The following MACROH2A2 variants were observed in gnomAD, a reference collection of about 807,000 sequenced individuals.
MACROH2A2 encodes core histone macro-H2A.2.
In MACROH2A2, 6 loss-of-function variants were observed where a neutral mutation model predicts 37.6. That is an observed-to-expected ratio of 0.16 (90% CI 0.09 to 0.32). MACROH2A2 has a LOEUF of 0.32. Among genes scored for constraint, MACROH2A2 ranks in the 10% least tolerant of loss-of-function variants. The pLI, the probability that MACROH2A2 is intolerant of heterozygous loss-of-function variation, is 1.00. For missense variants in MACROH2A2, 290 were observed against 485.9 expected (o/e 0.60, Z 3.79); for synonymous variants, 192 against 202.7 (o/e 0.95, Z 0.45).
At chr10:70,092,544 G>A (rs1157832066) in intron 4 of MACROH2A2, among the ~76,000 whole-genome samples, 4 of 152,232 alleles carry the variant, frequency 2.6e-5, no homozygotes, top group African/African-American at 9.7e-5. Context: ...AGAACAGGAG[G>A]GAAGTTTAAA....
chr10:70,079,499 G>A (rs559142560), intron 2 of MACROH2A2, among the ~76,000 whole-genome samples: 2 of 151,888 alleles, frequency 1.3e-5, no homozygotes, highest in African/African-American at 4.8e-5. Flanking sequence ...TGAAATGGGG[G>A]CAGGGCAGCA....
At chr10:70,073,343 C>T (rs2136623967) in intron 1 of MACROH2A2, among the ~76,000 whole-genome samples, 1 of 152,324 alleles carries the variant, frequency 6.6e-6, no homozygotes, top group Non-Finnish European at 1.5e-5. Context: ...GAGTGAGCAG[C>T]CACAGACAGC....
intron 1 of MACROH2A2, among the ~76,000 whole-genome samples, chr10:70,057,584 G>C (rs572677022): frequency 6.6e-6 from 1 of 152,190 alleles, no homozygotes; most frequent in South Asian, 2.1e-4. Context: ...TGGCTCTCAG[G>C]GTTTTCCTAG....
rs1436620579 is a variant in MACROH2A2 at position 70,075,701 on chromosome 10, C to T, written c.43C>T (p.Arg15Cys). 4 of 1,613,996 alleles carry T rather than the reference C, an allele frequency of 2.5e-6. No homozygotes were observed. The highest frequency in any genetic ancestry group is 3.4e-6 in the Non-Finnish European group (4 of 1,179,990). ...SGKKKMSKLS[R>C]SARAGVIFPV... Reference sequence around the variant, plus strand: ...GAAGAAGAAAATGTCCAAGCTGTCCCGTTCAGCTAGGGCAGGTGTCATCTT... The same window carrying T: ...GAAGAAGAAAATGTCCAAGCTGTCCTGTTCAGCTAGGGCAGGTGTCATCTT... Residue 15 changes from arginine to cysteine, a missense_variant, in exon 2 of 9, where the codon CGT becomes TGT. Transcript: ENST00000373255. This position sits in a 1 kb window ranked among gnomAD's most constrained non-coding sequence, Gnocchi z 5.0.
chr10:70,072,007 C>T (rs4746950), intron 1 of MACROH2A2, among the ~76,000 whole-genome samples: 93,434 of 151,940 alleles, frequency 0.61, 30,438 homozygotes, highest in African/African-American at 0.83. Context: ...ATTAACCTTA[C>T]CCAATAATAA....
Position 70,111,578 on chromosome 10 carries a change from T to G in MACROH2A2, c.1014T>G (p.Phe338Leu). 6.2e-7 allele frequency: 1 copy of G among 1,613,870 alleles called. No individual in the cohort carries two copies. The highest frequency in any genetic ancestry group is 8.5e-7 in the Non-Finnish European group (1 of 1,179,916). Residue 338 changes from phenylalanine to leucine, a missense_variant, in exon 9 of 9, where the codon TTT becomes TTG. By Grantham distance (22) the Phe-to-Leu change is conservative. Around this residue, in one of 3 missense-constraint regions of MACROH2A2, gnomAD observed 130 missense variants for 257.1 expected, o/e 0.51. Coordinates refer to ENST00000373255, the MANE Select transcript of MACROH2A2 (RefSeq NM_018649.3). ...CCCTCAAAGCCATCTCAGCCCACTT[T>G]GATGACTCGAGCGCGTCCTCGCTGA... ...QVTLKAISAH[F>L]DDSSASSLKN...
Position 70,078,559 on chromosome 10 carries a change from C to G in MACROH2A2, c.172+2729C>G, listed in dbSNP as rs567366676. ...GCTCTGTTACCTTAACCTCTCTGAG[C>G]TCCAGGTGTTTCCAGAACTAACTCT... On this transcript the variant is annotated intron_variant, in intron 2 of 8. Coordinates refer to ENST00000373255, the MANE Select transcript of MACROH2A2 (RefSeq NM_018649.3). 2.0e-5 allele frequency among the ~76,000 whole-genome samples: 3 copies of G among 152,344 alleles called. No individual in the cohort carries two copies. The East Asian group carries it at 5.8e-4, about 29-fold the overall frequency.
At chr10:70,102,328 C>T (rs2072311226) in intron 7 of MACROH2A2, among the ~76,000 whole-genome samples, 1 of 152,160 alleles carries the variant, frequency 6.6e-6, no homozygotes, top group Admixed American at 6.5e-5. Context: ...TGAGTCTGGG[C>T]CTGTGGGCTG....
rs751975090 is a variant in MACROH2A2, at chr10:70,091,848, C to T, written c.371C>T (p.Ser124Leu). Residue 124 changes from serine (S) to leucine (L), a missense_variant, in exon 4 of 9, where the codon TCG becomes TTG. Around this residue, in one of 3 missense-constraint regions of MACROH2A2, gnomAD observed 77 missense variants for 68.9 expected, o/e 1.12. Coordinates refer to ENST00000373255, the MANE Select transcript of MACROH2A2 (RefSeq NM_018649.3). ...AAAAAGCGAGGGACCAAAGGCAAGT[C>T]GGAAACGATCCTCTCCCCACCCCCA... ...LAKKRGTKGK[S>L]ETILSPPPEK... 8.1e-6 allele frequency: 13 copies of T among 1,613,802 alleles called. No homozygotes were observed. Among genetic ancestry groups the T allele is most frequent in the African/African-American group, 1.3e-5 (1 of 74,866 alleles).
intron 1 of MACROH2A2, among the ~76,000 whole-genome samples, chr10:70,058,937 G>A (rs1403973044): frequency 6.6e-6 from 1 of 150,532 alleles, no homozygotes. Flanking sequence ...CGACTAAACT[G>A]AATTTTCACC....
chr10:70,108,910 G>A, intron 7 of MACROH2A2, 123 bp from the exon 8 acceptor site: 1 of 819,576 alleles, frequency 1.2e-6, no homozygotes, highest in East Asian at 2.4e-5. Flanking sequence ...AGCACAGGAT[G>A]CTGCCCAGCC....
At chr10:70,092,242 G>A (rs1012536421) in intron 4 of MACROH2A2, among the ~76,000 whole-genome samples, 9 of 152,090 alleles carry the variant, frequency 5.9e-5, no homozygotes, top group Non-Finnish European at 1.2e-4. Flanking sequence ...ACCTGCCTGC[G>A]CCAAGGACTT....
intron 2 of MACROH2A2, among the ~76,000 whole-genome samples, chr10:70,078,279 C>A (rs1649064668): frequency 6.6e-6 from 1 of 152,242 alleles, no homozygotes; most frequent in Non-Finnish European, 1.5e-5. Context: ...GCCATTTATA[C>A]AGTGGGTTGA....
intron 2 of MACROH2A2, among the ~76,000 whole-genome samples, chr10:70,079,581 A>G (rs1469471835): frequency 1.2e-4 from 18 of 151,550 alleles, no homozygotes; most frequent in African/African-American, 2.7e-4. Flanking sequence ...ACACACACAC[A>G]CACACACACA....
At chr10:70,105,272 G>C (rs2072330324) in intron 7 of MACROH2A2, among the ~76,000 whole-genome samples, 1 of 152,230 alleles carries the variant, frequency 6.6e-6, no homozygotes, top group Non-Finnish European at 1.5e-5. Context: ...TCGGGCGCAG[G>C]CATCAGGATG....
intron 2 of MACROH2A2, among the ~76,000 whole-genome samples, chr10:70,086,440 A>G (rs2136632344): frequency 6.6e-6 from 1 of 152,326 alleles, no homozygotes; most frequent in South Asian, 2.1e-4. Context: ...ATTGTGCTGC[A>G]TGCTGAGTCT....
chr10:70,111,454 ACTTCAT>A lies in MACROH2A2; in HGVS notation c.954-63_954-58del. 4.1e-6 allele frequency: 6 copies of A among 1,450,930 alleles called. 1 individual carries two copies. In the Admixed American group the frequency reaches 1.1e-4, roughly 26 times the overall value. The allele number at this position is 1,450,930 out of a possible 1,614,324, so 89.9% of individuals were successfully genotyped here. Reference sequence around the variant, plus strand: ...GGCCCCACCCAGTAAAAACAAAGGCACTTCATGCTCCCATGGGTCCCAGGGACCAAA... The same window carrying A: ...GGCCCCACCCAGTAAAAACAAAGGCAGCTCCCATGGGTCCCAGGGACCAAA... On this transcript the variant is annotated intron_variant, in intron 8 of 8. Coordinates refer to ENST00000373255, the MANE Select transcript of MACROH2A2 (RefSeq NM_018649.3).
chr10:70,100,137 A>G (rs1342469131), intron 6 of MACROH2A2, 71 bp from the exon 7 acceptor site: 3 of 787,252 alleles, frequency 3.8e-6, no homozygotes, highest in Admixed American at 4.5e-5. Context: ...CTGGCCTACT[A>G]CAAATATGTC....
At position 70,107,454 on chromosome 10, in the gene MACROH2A2, C is replaced by T. The variant is rs1452495253; in HGVS notation, c.779-1579C>T. 1.3e-5 allele frequency among the ~76,000 whole-genome samples: 2 copies of T among 152,198 alleles called. No individual in the cohort carries two copies. The highest frequency in any genetic ancestry group is 4.1e-4 in the South Asian group (2 of 4,836). On this transcript the variant is annotated intron_variant, in intron 7 of 8. Coordinates refer to ENST00000373255, the MANE Select transcript of MACROH2A2 (RefSeq NM_018649.3). This position sits in a 1 kb window ranked among gnomAD's most constrained non-coding sequence, Gnocchi z 4.4. Reference sequence around the variant, plus strand: ...CCACGGACCCTTGCTACGCCGATTCCTGGGTTCCTGGAGGGGCACAGGGCG... The same window carrying T: ...CCACGGACCCTTGCTACGCCGATTCTTGGGTTCCTGGAGGGGCACAGGGCG...
Sources: allele counts gnomAD v4.1 joint callset (sites outside exome capture counted in the v4.1 genomes callset), GRCh38; gene constraint gnomAD v4.1.1; regional missense constraint gnomAD v4.1.1; non-coding constraint Gnocchi (gnomAD v3.1); transcripts MANE v1.5; gene names NCBI Gene and HGNC (gene_info 2026-07-23, HGNC 2026-07-21).